NT5C1B: variants seen among roughly 807,000 people sequenced by gnomAD.
The protein encoded by NT5C1B is 5'-nucleotidase, cytosolic IB.
A neutral mutation model predicts 57.8 loss-of-function variants in NT5C1B; 44 were observed. The ratio of observed to expected loss-of-function variants is 0.76; its 90% CI spans 0.60 to 0.98. NT5C1B has a LOEUF of 0.98. NT5C1B is among the 50% of genes least tolerant of loss of function. The pLI, the probability that NT5C1B is intolerant of heterozygous loss-of-function variation, is 0.00. For synonymous variants in NT5C1B, 284 were observed against 282.6 expected, an observed-to-expected ratio of 1.00 and a Z score of -0.05; for missense variants, 742 against 719.5, an observed-to-expected ratio of 1.03 and a Z score of -0.36.
At chr2:18,563,859 AATGTGGAAC>A in exon 9 of NT5C1B, 1 of 1,612,818 alleles carries the variant, frequency 6.2e-7, no homozygotes, top group Non-Finnish European at 8.5e-7. Flanking sequence ...GTGCCCCTTC[AATGTGGAAC>A]ATGTGGTCAT....
chr2:18,576,503 A>C, intron 7 of NT5C1B, 135 bp from the exon 8 acceptor site: 10 of 1,277,264 alleles, frequency 7.8e-6, no homozygotes, highest in Non-Finnish European at 1.1e-5. Flanking sequence ...TCCTCTTCAC[A>C]ACCACAGACC....
intron 6 of NT5C1B, among the ~76,000 whole-genome samples, chr2:18,577,882 CAGAG>C (rs1359535701): frequency 6.6e-6 from 1 of 151,714 alleles, no homozygotes; most frequent in Non-Finnish European, 1.5e-5. Flanking sequence ...CAAAGAAAAA[CAGAG>C]AGAAAAATCC....
At chr2:18,564,378 G>A (rs904366143) in intron 8 of NT5C1B, among the ~76,000 whole-genome samples, 3 of 152,108 alleles carry the variant, frequency 2.0e-5, no homozygotes, top group Non-Finnish European at 4.4e-5. Flanking sequence ...TATACTTTAG[G>A]TATGAAAGAA....
rs938110026 is a variant in NT5C1B, at chr2:18,576,927, CAG to C, written c.1022-34_1022-33del. ...TCAGGCAAGAAAGACTTTGTTATGA[CAG>C]AGATTAAAGACAAAATGCCGTAAAT... is the stretch of plus-strand genomic sequence containing the variant. On this transcript the variant is annotated intron_variant, in intron 6 of 8. Coordinates refer to ENST00000304081, the Ensembl canonical transcript of NT5C1B. 4 of 1,611,326 alleles carry C rather than the reference CAG, an allele frequency of 2.5e-6. No individual in the cohort carries two copies. The African/African-American group carries it at 5.4e-5, about 22-fold the overall frequency.
intron 8 of NT5C1B, among the ~76,000 whole-genome samples, chr2:18,569,372 T>C (rs1374271165): frequency 6.6e-6 from 1 of 152,102 alleles, no homozygotes; most frequent in African/African-American, 2.4e-5. Flanking sequence ...AGGAAGATAG[T>C]AGATTTTAAT....
chr2:18,583,059 G>A (rs780681997), intron 5 of NT5C1B, 62 bp from the exon 6 acceptor site: 387 of 1,564,394 alleles, frequency 2.5e-4, no homozygotes, highest in Non-Finnish European at 3.2e-4. Context: ...TGGGGAGGCC[G>A]GAGAGGAAGC....
chr2:18,571,383 G>A (rs1665136667), intron 8 of NT5C1B, among the ~76,000 whole-genome samples: 1 of 151,982 alleles, frequency 6.6e-6, no homozygotes, highest in Non-Finnish European at 1.5e-5. Context: ...TAATCGGACA[G>A]TAAGGATTTT....
chr2:18,563,867 A>G, exon 9 of NT5C1B: 1 of 1,613,856 alleles, frequency 6.2e-7, no homozygotes. Context: ...TCAATGTGGA[A>G]CATGTGGTCA....
chr2:18,584,839 G>A lies in NT5C1B; in HGVS notation c.398C>T (p.Pro133Leu). ...AGGATCGGGCTCTGGGGGCGTGGGAGGCCGCGAGTCCAGCGACCGGGGCAG... is the reference window on the plus strand; with the variant it reads ...AGGATCGGGCTCTGGGGGCGTGGGAAGCCGCGAGTCCAGCGACCGGGGCAG... The change falls in exon 4 of 9, where the codon CCT (proline) becomes CTT (leucine). Residue 133 changes from proline (P) to leucine (L), a missense_variant. By Grantham distance (98) the Pro-to-Leu change is moderately conservative. Transcript: ENST00000304081. This position sits in a 1 kb window ranked among gnomAD's most constrained non-coding sequence, Gnocchi z 5.8. 1 of 1,610,406 alleles carries A rather than the reference G, an allele frequency of 6.2e-7. No individual in the cohort carries two copies. The highest frequency in any genetic ancestry group is 8.5e-7 in the Non-Finnish European group (1 of 1,178,898).
chr2:18,563,494 T>G (rs1256693658), exon 9 of NT5C1B: 5 of 227,682 alleles, frequency 2.2e-5, no homozygotes, highest in Non-Finnish European at 4.3e-5. Flanking sequence ...TAAGTAAGCT[T>G]CTAAAACAGT....
chr2:18,563,989 C>G, exon 9 of NT5C1B: 1 of 1,614,152 alleles, frequency 6.2e-7, no homozygotes, highest in Non-Finnish European at 8.5e-7. Context: ...CTTCAGCACA[C>G]GGGCGCCTGA....
At chr2:18,582,690 A>T (rs1666283195) in intron 6 of NT5C1B, among the ~76,000 whole-genome samples, 178 bp downstream of exon 6, 1 of 152,252 alleles carries the variant, frequency 6.6e-6, no homozygotes, top group Non-Finnish European at 1.5e-5. Context: ...TCTGTGCTGA[A>T]GTTAAAAATG....
chr2:18,571,718 GTATATATATATATATATATA>G lies in NT5C1B; in HGVS notation c.1329+4446_1329+4465del, dbSNP rs59799495. On this transcript the variant is annotated intron_variant, in intron 8 of 8. Coordinates refer to ENST00000304081, the Ensembl canonical transcript of NT5C1B. ...TCTCTCTCTTTCTCTCTGTGTGTGT[GTATATATATATATATATATA>G]TATATATATATATATATATATATAT... Among the ~76,000 whole-genome samples, 70 of 111,472 alleles carry G rather than the reference GTATATATATATATATATATA, an allele frequency of 6.3e-4. 1 individual carries two copies. Among genetic ancestry groups the G allele is most frequent in the East Asian group, 1.0e-3 (3 of 2,914 alleles). 73.1% of individuals were successfully genotyped at this position (111,472 alleles called of 152,430 possible). A position where few individuals can be genotyped will look rare whatever the true frequency, so the allele number is the denominator to read the frequency against.
At chr2:18,566,969 T>A (rs1407867306) in intron 8 of NT5C1B, among the ~76,000 whole-genome samples, 1 of 152,196 alleles carries the variant, frequency 6.6e-6, no homozygotes, top group Non-Finnish European at 1.5e-5. Context: ...AAGAAAGTTA[T>A]ACCAGCTTCC....
rs1572359994 is a variant in NT5C1B at position 18,580,839 on chromosome 2, C to T, written c.1021+2029G>A. Among the ~76,000 whole-genome samples, 3 of 152,228 alleles carry T rather than the reference C, an allele frequency of 2.0e-5. No individual in the cohort carries two copies. In the South Asian group the frequency reaches 6.2e-4, roughly 32 times the overall value. ...TATCCTAAGTGAATTAATGCAGCAA[C>T]AGAAAACCAGATACCACATGTTCTC... On this transcript the variant is annotated intron_variant, in intron 6 of 8. Coordinates refer to ENST00000304081, the Ensembl canonical transcript of NT5C1B.
intron 2 of NT5C1B, chr2:18,587,080 T>C: frequency 6.2e-7 from 1 of 1,614,176 alleles, no homozygotes; most frequent in South Asian, 1.1e-5. Context: ...CCAAGGGCTG[T>C]TCCCTCAGCT....
chr2:18,572,373 G>A (rs1358832753), intron 8 of NT5C1B, among the ~76,000 whole-genome samples: 1 of 152,104 alleles, frequency 6.6e-6, no homozygotes, highest in African/African-American at 2.4e-5. Flanking sequence ...AATCCTTGTG[G>A]CCTTGGATTA....
intron 8 of NT5C1B, among the ~76,000 whole-genome samples, chr2:18,571,718 G>GTATATATATATA (rs59799495): frequency 7.2e-5 from 8 of 111,468 alleles, no homozygotes; most frequent in East Asian, 3.4e-4. Context: ...CTGTGTGTGT[G>GTATATATATATA]TATATATATA....
intron 8 of NT5C1B, among the ~76,000 whole-genome samples, chr2:18,571,692 C>T (rs1293182467): frequency 1.6e-5 from 2 of 121,260 alleles, no homozygotes; most frequent in African/African-American, 3.8e-5. Flanking sequence ...AGACTGTACT[C>T]TCTCTCTCTT....
Sources: allele counts gnomAD v4.1 joint callset (sites outside exome capture counted in the v4.1 genomes callset), GRCh38; gene constraint gnomAD v4.1.1; non-coding constraint Gnocchi (gnomAD v3.1); transcripts MANE v1.5; gene names NCBI Gene and HGNC (gene_info 2026-07-23, HGNC 2026-07-21).